Variants in ZNF569 observed in about 807,000 individuals in gnomAD.
ZNF569 encodes the protein DNA-binding protein.
Under a neutral mutation model 56.3 loss-of-function variants are expected in ZNF569, and 38 were observed. The observed-to-expected ratio is 0.68, with a 90% confidence interval of 0.52 to 0.88. ZNF569 has a LOEUF of 0.88. Ranked by LOEUF, ZNF569 falls within the 40% of genes least tolerant of loss-of-function variation. The pLI is 0.00. For synonymous variants in ZNF569, 241 were observed against 262.9 expected, an observed-to-expected ratio of 0.92 and a Z score of 0.81; for missense variants, 666 against 809.2, an observed-to-expected ratio of 0.82 and a Z score of 2.15.
chr19:37,445,444 G>A (rs1185818077), intron 2 of ZNF569, among the ~76,000 whole-genome samples: 1 of 152,102 alleles, frequency 6.6e-6, no homozygotes, highest in Non-Finnish European at 1.5e-5. Flanking sequence ...CTTTTCCCTA[G>A]CCAGAGCAAT....
chr19:37,432,904 C>CTTT (rs869051048), intron 3 of ZNF569, among the ~76,000 whole-genome samples: 46 of 122,490 alleles, frequency 3.8e-4, no homozygotes, highest in African/African-American at 9.5e-4. Flanking sequence ...ATGCATCAGT[C>CTTT]TTTTTTTTTT....
chr19:37,453,619 T>C (rs1299267537), intron 2 of ZNF569, among the ~76,000 whole-genome samples: 1 of 152,232 alleles, frequency 6.6e-6, no homozygotes, highest in Non-Finnish European at 1.5e-5. Context: ...CTTGTTATCT[T>C]CAAGATTTTC....
Position 37,467,374 on chromosome 19 carries a change from G to C in ZNF569, c.-495C>G, listed in dbSNP as rs769663795. 6.4e-6 allele frequency: 1 copy of C among 155,602 alleles called. No individual in the cohort carries two copies. The highest frequency in any genetic ancestry group is 1.4e-5 in the Non-Finnish European group (1 of 70,250). The allele number at this position is 155,602 out of a possible 1,614,324, so 9.6% of individuals were successfully genotyped here. A position where few individuals can be genotyped will look rare whatever the true frequency, so the allele number is the denominator to read the frequency against. Reference sequence around the variant, plus strand: ...AGGTTTTGCACGAGCGGCCTCCCGCGAGCCCAGCTCTGAGAGATTGGGAGC... The same window carrying C: ...AGGTTTTGCACGAGCGGCCTCCCGCCAGCCCAGCTCTGAGAGATTGGGAGC... On this transcript the variant is annotated 5_prime_UTR_variant, in exon 1 of 6. Transcript: ENST00000316950.
intron 3 of ZNF569, among the ~76,000 whole-genome samples, chr19:37,428,372 G>C (rs1320343837): frequency 6.6e-6 from 1 of 151,842 alleles, no homozygotes; most frequent in Admixed American, 6.6e-5. Context: ...ATGAATGAAT[G>C]AATGCCGTGT....
intron 3 of ZNF569, among the ~76,000 whole-genome samples, chr19:37,437,678 T>C (rs1311862140): frequency 6.6e-6 from 1 of 152,178 alleles, no homozygotes; most frequent in East Asian, 1.9e-4. Context: ...CATTTCTATA[T>C]GCCAACAGCA....
At chr19:37,425,283 C>T (rs2146886633) in intron 5 of ZNF569, among the ~76,000 whole-genome samples, 1 of 151,182 alleles carries the variant, frequency 6.6e-6, no homozygotes, top group East Asian at 2.0e-4. Flanking sequence ...TTCCAAGCAG[C>T]TGGGATCATA....
At chr19:37,461,726 C>T (rs2041760257) in intron 2 of ZNF569, among the ~76,000 whole-genome samples, 3 of 152,118 alleles carry the variant, frequency 2.0e-5, no homozygotes, top group African/African-American at 4.8e-5. Context: ...TCTTCCTATC[C>T]TCACTTTTCC....
chr19:37,419,597 G>A (rs753796205), intron 5 of ZNF569, among the ~76,000 whole-genome samples: 5 of 151,996 alleles, frequency 3.3e-5, no homozygotes, highest in South Asian at 2.1e-4. Flanking sequence ...GGTGGCAGGC[G>A]CCTGTAATCC....
At chr19:37,430,395 C>T (rs897483398) in intron 3 of ZNF569, among the ~76,000 whole-genome samples, 9 of 151,920 alleles carry the variant, frequency 5.9e-5, no homozygotes, top group African/African-American at 1.9e-4. Context: ...GTAGGATAAA[C>T]GCAACAAGGT....
chr19:37,418,582 A>C (rs1219193209), intron 5 of ZNF569, among the ~76,000 whole-genome samples: 1 of 152,202 alleles, frequency 6.6e-6, no homozygotes, highest in Non-Finnish European at 1.5e-5. Flanking sequence ...GATGTCAAAA[A>C]GCAAGTTCCT....
At position 37,412,788 on chromosome 19, in the gene ZNF569, G is replaced by A. The variant is rs755253040; in HGVS notation, c.1870C>T (p.His624Tyr). ...AFSQSSSLTI[H>Y]IRGHTGEKPF... ...TTCTCACCTGTATGTCCTCGTATAT[G>A]TATAGTAAGGGATGAGCTTTGGGAG... Residue 624 changes from histidine (H) to tyrosine (Y), a missense_variant, in exon 6 of 6, where the codon CAT (histidine) becomes TAT (tyrosine). Physicochemically the swap from His to Tyr is moderately conservative, Grantham distance 83 (BLOSUM62 2). Coordinates refer to ENST00000316950, the MANE Select transcript of ZNF569 (RefSeq NM_152484.3). 1 of 1,614,028 alleles carries A rather than the reference G, an allele frequency of 6.2e-7. No individual in the cohort carries two copies. The highest frequency in any genetic ancestry group is 2.2e-5 in the East Asian group (1 of 44,870).
At chr19:37,423,967 G>T (rs373773203) in intron 5 of ZNF569, among the ~76,000 whole-genome samples, 1 of 151,958 alleles carries the variant, frequency 6.6e-6, no homozygotes, top group Non-Finnish European at 1.5e-5. Flanking sequence ...TTCAAAATAC[G>T]TGTATATGGA....
intron 4 of ZNF569, 34 bp downstream of exon 4, chr19:37,426,218 C>A (rs1424052249): frequency 1.3e-6 from 2 of 1,574,114 alleles, no homozygotes; most frequent in Non-Finnish European, 1.7e-6. Context: ...TACTTTCTTT[C>A]CAGAGTTTGA....
intron 5 of ZNF569, among the ~76,000 whole-genome samples, chr19:37,424,815 C>CAAAAAA (rs71177448): frequency 6.0e-5 from 2 of 33,566 alleles, no homozygotes; most frequent in African/African-American, 1.3e-4. Context: ...GACTCTGTCT[C>CAAAAAA]AAAAAAAAAA....
chr19:37,420,923 A>C (rs934741650), intron 5 of ZNF569, among the ~76,000 whole-genome samples: 1 of 152,234 alleles, frequency 6.6e-6, no homozygotes, highest in African/African-American at 2.4e-5. Flanking sequence ...TGCTTGATCC[A>C]TGAGCTGCAG....
rs1260661841 is a variant in ZNF569 at position 37,429,025 on chromosome 19, T to C, written c.16-2647A>G. On this transcript the variant is annotated intron_variant, in intron 3 of 5. Transcript: ENST00000316950. ...AATAGGTTAAAGGGAAACATAAGCC[T>C]AAGACTGATCTTAAAAAAAAGAAGA... Among the ~76,000 whole-genome samples, 12 of 152,266 alleles carry C rather than the reference T, an allele frequency of 7.9e-5. No individual in the cohort carries two copies. In the South Asian group the frequency reaches 1.9e-3, roughly 24 times the overall value.
chr19:37,434,145 C>T (rs1010927152), intron 3 of ZNF569, among the ~76,000 whole-genome samples: 3 of 151,556 alleles, frequency 2.0e-5, no homozygotes, highest in Non-Finnish European at 2.9e-5. Context: ...ACTAAAAATA[C>T]AAAAATTAGC....
At chr19:37,468,056 C>A, upstream of ZNF569, 3 of 799,646 alleles carry the variant, frequency 3.8e-6, no homozygotes, top group Non-Finnish European at 5.9e-6. Context: ...TACTTAACTT[C>A]TCTATGCCTT....
At position 37,444,957 on chromosome 19, in the gene ZNF569, A is replaced by G. The variant is rs200468053; in HGVS notation, c.-36T>C. The G allele has an allele frequency of 2.3e-4, 367 of 1,603,846 alleles. No individual in the cohort carries two copies. Among genetic ancestry groups the G allele is most frequent in the Admixed American group, 1.4e-4 (8 of 57,782 alleles). ...TTCTGGGAAGGGATGGGGCCTGCAG[A>G]AGTAGAGCTGGGGAAGAGAATAAAA... On this transcript the variant is annotated 5_prime_UTR_variant, in exon 3 of 6. Coordinates refer to ENST00000316950, the MANE Select transcript of ZNF569 (RefSeq NM_152484.3).
Sources: allele counts gnomAD v4.1 joint callset (sites outside exome capture counted in the v4.1 genomes callset), GRCh38; gene constraint gnomAD v4.1.1; transcripts MANE v1.5; gene names NCBI Gene and HGNC (gene_info 2026-07-23, HGNC 2026-07-21).